Variants in EAF2 observed in about 807,000 individuals in gnomAD.
EAF2 encodes ELL-associated factor 2.
A neutral mutation model predicts 29.4 loss-of-function variants in EAF2; 29 were observed. The observed-to-expected ratio is 0.99, with a 90% confidence interval of 0.73 to 1.35. The LOEUF is 1.35. Among genes scored for constraint, EAF2 ranks in the 40% most tolerant of loss-of-function variants. The pLI is 0.00. For missense variants in EAF2, 292 were observed against 312.0 expected, an observed-to-expected ratio of 0.94 and a Z score of 0.48; for synonymous variants, 103 against 102.5, an observed-to-expected ratio of 1.00 and a Z score of -0.03.
At chr3:121,884,503 C>T (rs1174226272) in intron 5 of EAF2, among the ~76,000 whole-genome samples, 1 of 151,464 alleles carries the variant, frequency 6.6e-6, no homozygotes, top group Non-Finnish European at 1.5e-5. Context: ...TCTCGGCTTA[C>T]TGCAACCTCC....
chr3:121,884,143 GCCTGGCCAACATGGTGAAAC>G (rs1451573667), intron 5 of EAF2, among the ~76,000 whole-genome samples: 1 of 151,870 alleles, frequency 6.6e-6, no homozygotes. Context: ...TTCGAGACCA[GCCTGGCCAACATGGTGAAAC>G]CCTGACTCTA....
chr3:121,863,476 C>G (rs372405916), intron 4 of EAF2, among the ~76,000 whole-genome samples: 2 of 152,164 alleles, frequency 1.3e-5, no homozygotes, highest in Admixed American at 6.5e-5. Context: ...AATGAGGCTC[C>G]GTGGGCATGG....
chr3:121,853,657 T>A (rs1020412696), intron 2 of EAF2, among the ~76,000 whole-genome samples: 1 of 152,238 alleles, frequency 6.6e-6, no homozygotes, highest in Non-Finnish European at 1.5e-5. Context: ...CTAGAGAATA[T>A]ACCTACATTC....
chr3:121,876,516 G>C (rs938904591), intron 5 of EAF2, among the ~76,000 whole-genome samples: 27 of 151,992 alleles, frequency 1.8e-4, no homozygotes, highest in African/African-American at 6.0e-4. Context: ...TGACTATAAA[G>C]ATAACAAGTC....
intron 3 of EAF2, among the ~76,000 whole-genome samples, chr3:121,855,930 G>C (rs950456781): frequency 3.3e-5 from 5 of 152,168 alleles, no homozygotes; most frequent in African/African-American, 1.2e-4. Context: ...CATTAATTCA[G>C]TAGAGAAACT....
chr3:121,860,408 G>A (rs769559352), intron 4 of EAF2, among the ~76,000 whole-genome samples: 4 of 152,144 alleles, frequency 2.6e-5, no homozygotes, highest in African/African-American at 4.8e-5. Context: ...GAGGGTGTAT[G>A]TGTCCAGGAA....
At chr3:121,881,807 A>G (rs1286015289) in intron 5 of EAF2, among the ~76,000 whole-genome samples, 1 of 152,118 alleles carries the variant, frequency 6.6e-6, no homozygotes, top group Non-Finnish European at 1.5e-5. Context: ...CAATGCACCC[A>G]GCCTTAATTA....
intron 1 of EAF2, among the ~76,000 whole-genome samples, chr3:121,840,515 A>AAAACAAAAAAC (rs1708397602): frequency 3.1e-5 from 3 of 97,892 alleles, no homozygotes; most frequent in East Asian, 2.4e-4. Context: ...AAAAGAAAAA[A>AAAACAAAAAAC]AAAAAACGGG....
intron 5 of EAF2, among the ~76,000 whole-genome samples, chr3:121,877,239 A>G (rs1366942386): frequency 1.3e-5 from 2 of 151,704 alleles, no homozygotes; most frequent in African/African-American, 4.8e-5. Context: ...GTGTATGTAT[A>G]AAACATAACA....
chr3:121,870,754 C>T (rs961909270), intron 4 of EAF2, among the ~76,000 whole-genome samples: 1 of 152,030 alleles, frequency 6.6e-6, no homozygotes, highest in Non-Finnish European at 1.5e-5. Context: ...AAGATTTGAA[C>T]AGGCTTTTCA....
intron 5 of EAF2, among the ~76,000 whole-genome samples, chr3:121,878,473 C>A (rs1035419324): frequency 6.6e-6 from 1 of 152,078 alleles, no homozygotes; most frequent in African/African-American, 2.4e-5. Context: ...CTATAGTCAT[C>A]CTACTGTGCT....
intron 5 of EAF2, among the ~76,000 whole-genome samples, chr3:121,873,530 G>A (rs959198504): frequency 6.6e-6 from 1 of 151,630 alleles, no homozygotes; most frequent in African/African-American, 2.4e-5. Context: ...ACCCCTTTAT[G>A]TAGTCAAGCC....
rs750711954 is a variant in EAF2, at chr3:121,835,294, C to A, written c.9C>A (p.Ser3Arg). The change falls in exon 1 of 6, where the codon AGC becomes AGA. Residue 3 changes from serine to arginine, a missense_variant. Transcript: ENST00000273668. The part of the protein sequence containing the change: MN[S>R]AAGFSHLDRR... ...AAAGCAGGAGAGTAATTATGAATAGCGCAGCGGGATTCTCACACCTAGACC... is the reference window on the plus strand; with the variant it reads ...AAAGCAGGAGAGTAATTATGAATAGAGCAGCGGGATTCTCACACCTAGACC... 6.2e-7 allele frequency: 1 copy of A among 1,614,136 alleles called. No individual in the cohort carries two copies. The highest frequency in any genetic ancestry group is 1.1e-5 in the South Asian group (1 of 91,078).
At chr3:121,859,171 A>G (rs935299707) in intron 4 of EAF2, among the ~76,000 whole-genome samples, 1 of 151,862 alleles carries the variant, frequency 6.6e-6, no homozygotes, top group Non-Finnish European at 1.5e-5. Context: ...TTGTGTCTGT[A>G]TGACTTTAAA....
intron 2 of EAF2, among the ~76,000 whole-genome samples, chr3:121,851,130 G>T (rs920992966): frequency 1.3e-5 from 2 of 151,848 alleles, no homozygotes; most frequent in African/African-American, 4.8e-5. Flanking sequence ...TTCCTTTGTT[G>T]TATGGTTAAG....
chr3:121,859,619 G>C (rs1176486934), intron 4 of EAF2, among the ~76,000 whole-genome samples: 1 of 152,158 alleles, frequency 6.6e-6, no homozygotes, highest in Non-Finnish European at 1.5e-5. Context: ...TCTGCAAACA[G>C]GGACAATTTG....
chr3:121,872,693 C>T lies in EAF2; in HGVS notation c.641C>T (p.Ser214Leu). ...ACTTCTGATACAGGGAATTGTGTCT[C>T]AGGACATCCTACCATGACACAGTAC... Reference protein sequence around the residue: ...SSTSDTGNCVSGHPTMTQYRI... With the variant: ...SSTSDTGNCVLGHPTMTQYRI... Residue 214 changes from serine to leucine, a missense_variant, in exon 5 of 6, where the codon TCA (serine) becomes TTA (leucine). Transcript: ENST00000273668. 2 of 1,612,824 alleles carry T rather than the reference C, an allele frequency of 1.2e-6. No homozygotes were observed. The highest frequency in any genetic ancestry group is 1.7e-6 in the Non-Finnish European group (2 of 1,179,200).
chr3:121,855,214 C>G lies in EAF2; in HGVS notation c.338+391C>G, dbSNP rs1708699047. 2.0e-5 allele frequency among the ~76,000 whole-genome samples: 3 copies of G among 152,208 alleles called. No individual in the cohort carries two copies. In the South Asian group the frequency reaches 6.2e-4, roughly 32 times the overall value. ...AAAGGAAAGTTTGCTCTGCAAACACCTCAAAACTTCTGCATTTTATTCAGA... is the reference window on the plus strand; with the variant it reads ...AAAGGAAAGTTTGCTCTGCAAACACGTCAAAACTTCTGCATTTTATTCAGA... On this transcript the variant is annotated intron_variant, in intron 3 of 5. Transcript: ENST00000273668.
intron 4 of EAF2, among the ~76,000 whole-genome samples, chr3:121,865,717 C>G (rs1292268086): frequency 6.6e-6 from 1 of 152,040 alleles, no homozygotes. Context: ...ATTCTACTCC[C>G]CTACCCGGAG....
Sources: allele counts gnomAD v4.1 joint callset (sites outside exome capture counted in the v4.1 genomes callset), GRCh38; gene constraint gnomAD v4.1.1; transcripts MANE v1.5; gene names NCBI Gene and HGNC (gene_info 2026-07-23, HGNC 2026-07-21).